Variants in NCAM2 observed in about 807,000 individuals in gnomAD.
NCAM2 encodes the protein N-CAM-2.
NCAM2 carries 30 observed loss-of-function variants against 98.1 expected under a neutral mutation model. The observed-to-expected ratio is 0.31, with a 90% CI of 0.23 to 0.41. The LOEUF is 0.41. Among genes scored for constraint, NCAM2 ranks in the 10% least tolerant of loss-of-function variants. The pLI, the probability that NCAM2 is intolerant of heterozygous loss-of-function variation, is 1.00. For synonymous variants in NCAM2, 368 were observed against 342.4 expected (o/e 1.07, Z -0.83); for missense variants, 867 against 1,005.8 (o/e 0.86, Z 1.87).
chr21:21,465,480 G>T (rs866508664), intron 12 of NCAM2, among the ~76,000 whole-genome samples: 2 of 151,166 alleles, frequency 1.3e-5, no homozygotes, highest in African/African-American at 2.4e-5. Context: ...AGAATGGAAC[G>T]CAAGGAAGTA....
At chr21:21,200,247 G>C (rs924462782) in intron 1 of NCAM2, among the ~76,000 whole-genome samples, 2 of 151,942 alleles carry the variant, frequency 1.3e-5, no homozygotes, top group Non-Finnish European at 2.9e-5. Context: ...CTTTGAAAAA[G>C]ATGACACTTT....
chr21:21,257,577 G>T (rs2071722276), intron 1 of NCAM2, among the ~76,000 whole-genome samples: 1 of 152,062 alleles, frequency 6.6e-6, no homozygotes, highest in South Asian at 2.1e-4. Context: ...ACCATGCAAT[G>T]TTGACTCTTT....
intron 1 of NCAM2, among the ~76,000 whole-genome samples, chr21:21,151,015 T>C (rs2067432687): frequency 6.6e-6 from 1 of 151,942 alleles, no homozygotes; most frequent in Non-Finnish European, 1.5e-5. Flanking sequence ...GTTTGATTGA[T>C]ACCATTCTTG....
chr21:21,285,199 T>C (rs145980164), intron 3 of NCAM2, among the ~76,000 whole-genome samples: 76 of 152,056 alleles, frequency 5.0e-4, no homozygotes, highest in African/African-American at 1.7e-3. Context: ...TTACGATTAA[T>C]AGGTAGTTAG....
Position 21,376,512 on chromosome 21 carries a change from G to A in NCAM2, c.1195+2499G>A, listed in dbSNP as rs978018559. Among the ~76,000 whole-genome samples, 5 of 151,744 alleles carry A rather than the reference G, an allele frequency of 3.3e-5. No homozygotes were observed. In the South Asian group the frequency reaches 1.0e-3, roughly 31 times the overall value. On this transcript the variant is annotated intron_variant, in intron 9 of 17. Coordinates refer to ENST00000400546, the MANE Select transcript of NCAM2 (RefSeq NM_004540.5). ...AGAATGAATAAAATATCAAATTAAT[G>A]TAAAATGCTAATACATAATTACATG... is the stretch of plus-strand genomic sequence containing the variant.
chr21:21,117,807 G>C (rs1184709821), intron 1 of NCAM2, among the ~76,000 whole-genome samples: 1 of 152,066 alleles, frequency 6.6e-6, no homozygotes, highest in African/African-American at 2.4e-5. Context: ...TCCTTTACTT[G>C]ATTTCAAGTT....
At chr21:21,069,838 A>G (rs56227409) in intron 1 of NCAM2, among the ~76,000 whole-genome samples, 26,449 of 152,110 alleles carry the variant, frequency 0.17, 2,523 homozygotes, top group Non-Finnish European at 0.19. Context: ...TAAGCATTCA[A>G]CTGCAGTGAA....
intron 1 of NCAM2, among the ~76,000 whole-genome samples, chr21:21,190,677 G>C (rs1287746635): frequency 6.6e-6 from 1 of 152,158 alleles, no homozygotes; most frequent in African/African-American, 2.4e-5. Context: ...AAAGTGAGAA[G>C]AGACTCTAGA....
In NCAM2 at chr21:21,070,271, A is replaced by ATG. The variant is rs529550522; in HGVS notation, c.55+71654_55+71655insGT. On this transcript the variant is annotated intron_variant, in intron 1 of 17. Transcript: ENST00000400546. Reference sequence around the variant, plus strand: ...AACCTGATATATGTACATAGTGTATATATATATATATATATAATCTAATAT... The same window carrying ATG: ...AACCTGATATATGTACATAGTGTATATGTATATATATATATATAATCTAATAT... Among the ~76,000 whole-genome samples the ATG allele has an allele frequency of 2.8e-3, 424 of 149,108 alleles. 1 individual carries two copies. The highest frequency in any genetic ancestry group is 9.9e-3 in the African/African-American group (406 of 40,952).
chr21:21,070,784 T>C (rs1387187785), intron 1 of NCAM2, among the ~76,000 whole-genome samples: 2 of 152,224 alleles, frequency 1.3e-5, no homozygotes, highest in African/African-American at 4.8e-5. Context: ...CCCACCTCTG[T>C]TGATGAATTG....
chr21:21,244,281 A>G (rs1348130910), intron 1 of NCAM2, among the ~76,000 whole-genome samples: 2 of 152,154 alleles, frequency 1.3e-5, no homozygotes, highest in Non-Finnish European at 2.9e-5. Flanking sequence ...AAAAAATAGA[A>G]GTAACAAGAA....
intron 9 of NCAM2, chr21:21,385,645 A>T: frequency 1.6e-6 from 2 of 1,287,738 alleles, no homozygotes; most frequent in Non-Finnish European, 2.0e-6. Context: ...CATTTTCAAC[A>T]TTTCCGAGGC....
At chr21:21,005,761 T>C (rs1284508732) in intron 1 of NCAM2, among the ~76,000 whole-genome samples, 1 of 151,850 alleles carries the variant, frequency 6.6e-6, no homozygotes, top group Non-Finnish European at 1.5e-5. Flanking sequence ...CTTTTTCTTT[T>C]TAACACTGGC....
At chr21:21,216,978 C>T (rs1450897075) in intron 1 of NCAM2, among the ~76,000 whole-genome samples, 2 of 152,156 alleles carry the variant, frequency 1.3e-5, no homozygotes, top group African/African-American at 4.8e-5. Flanking sequence ...AAGTGATTAT[C>T]TTTGGCAATC....
In NCAM2 at chr21:21,087,578, ACT is replaced by A. The variant is rs566521315; in HGVS notation, c.55+88963_55+88964del. On this transcript the variant is annotated intron_variant, in intron 1 of 17. Transcript: ENST00000400546. ...GTGGTTCTTCTGTAGCTTGCCCAAA[ACT>A]CTGTAATTAGTCCCTTTGTAAATAA... 3.0e-4 allele frequency among the ~76,000 whole-genome samples: 45 copies of A among 151,738 alleles called. No homozygotes were observed. In the South Asian group the frequency reaches 9.4e-3, roughly 32 times the overall value.
intron 1 of NCAM2, among the ~76,000 whole-genome samples, chr21:21,131,541 G>A (rs1333270102): frequency 2.0e-5 from 3 of 152,144 alleles, no homozygotes; most frequent in South Asian, 2.1e-4. Flanking sequence ...CCAAAGTGTT[G>A]GGATTACAGG....
At chr21:21,008,114 T>A (rs1486259083) in intron 1 of NCAM2, among the ~76,000 whole-genome samples, 4 of 152,150 alleles carry the variant, frequency 2.6e-5, no homozygotes, top group Non-Finnish European at 5.9e-5. Flanking sequence ...GATTAATATA[T>A]ACAGTGAGGT....
chr21:21,263,501 T>G (rs2072003557), intron 1 of NCAM2, among the ~76,000 whole-genome samples: 1 of 151,938 alleles, frequency 6.6e-6, no homozygotes, highest in East Asian at 1.9e-4. Context: ...TCAAAAAATT[T>G]TTTAAAAATC....
At chr21:21,092,054 T>C (rs28510503) in intron 1 of NCAM2, among the ~76,000 whole-genome samples, 6,696 of 152,180 alleles carry the variant, frequency 0.044, 175 homozygotes, top group African/African-American at 0.049. Context: ...TGAGTGAATT[T>C]CTGTTAGAAA....
Sources: gnomAD v4.1 joint callset for allele counts (sites outside exome capture counted in the v4.1 genomes callset) on GRCh38, gnomAD v4.1.1 for gene constraint, MANE v1.5 for transcripts, NCBI Gene and HGNC (gene_info 2026-07-23, HGNC 2026-07-21) for gene names.